The following ZFPM1 variants were observed in gnomAD, a reference collection of about 807,000 sequenced individuals.
ZFPM1 encodes zinc finger protein, FOG family member 1.
In ZFPM1, 28 loss-of-function variants were observed where a neutral mutation model predicts 46.3. The ratio of observed to expected loss-of-function variants is 0.60; its 90% confidence interval spans 0.45 to 0.83. ZFPM1 has a LOEUF of 0.83. Among genes scored for constraint, ZFPM1 ranks in the 40% least tolerant of loss-of-function variants. ZFPM1 has a pLI of 0.00. For missense variants in ZFPM1, 1,878 were observed against 1,432.4 expected (o/e 1.31, Z -5.02); for synonymous variants, 957 against 675.9 (o/e 1.42, Z -6.45).
chr16:88,529,590 C>T (rs1912621930), intron 6 of ZFPM1, among the ~76,000 whole-genome samples: 1 of 152,200 alleles, frequency 6.6e-6, no homozygotes, highest in South Asian at 2.1e-4. Flanking sequence ...GCTCAGAGAG[C>T]CCTGGGGCCT....
chr16:88,524,710 C>G (rs1417287833), intron 4 of ZFPM1, among the ~76,000 whole-genome samples: 1 of 152,218 alleles, frequency 6.6e-6, no homozygotes, highest in Admixed American at 6.5e-5. Flanking sequence ...CGGGAGGAAA[C>G]TGAGTCAAAG....
At chr16:88,482,410 T>C (rs1363518413) in intron 1 of ZFPM1, among the ~76,000 whole-genome samples, 2 of 152,156 alleles carry the variant, frequency 1.3e-5, no homozygotes, top group Non-Finnish European at 2.9e-5. Flanking sequence ...TCCTGCATTA[T>C]CAGAGCCGTT....
chr16:88,467,360 G>A (rs954339295), intron 1 of ZFPM1, among the ~76,000 whole-genome samples: 4 of 152,168 alleles, frequency 2.6e-5, no homozygotes, highest in Non-Finnish European at 4.4e-5. Flanking sequence ...GGCCGACACC[G>A]CTAAGCCTGC....
In ZFPM1 at chr16:88,534,595, G is replaced by A. The variant is rs1410687778; in HGVS notation, c.2637G>A (p.Leu879=). Residue 879 remains leucine, a synonymous_variant, in exon 10 of 10, where the codon CTG becomes CTA. Coordinates refer to ENST00000319555, the MANE Select transcript of ZFPM1 (RefSeq NM_153813.3). ...AGCATTTCCGCCTGGCGCACGGCCT[G>A]CTGCTCGGCGCGCCCCTGGCCGGCC... ...LLEHFRLAHG[L]LLGAPLAGPG... is the part of the protein sequence containing the mutation. 11 of 1,229,050 alleles carry A rather than the reference G, an allele frequency of 9.0e-6. No individual in the cohort carries two copies. In the East Asian group the frequency reaches 4.1e-4, roughly 46 times the overall value. The allele number at this position is 1,229,050 out of a possible 1,614,324, so 76.1% of individuals were successfully genotyped here. A position where few individuals can be genotyped will look rare whatever the true frequency, so the allele number is the denominator to read the frequency against.
intron 1 of ZFPM1, among the ~76,000 whole-genome samples, chr16:88,458,893 G>A (rs1010103866): frequency 7.2e-5 from 11 of 152,268 alleles, no homozygotes; most frequent in Middle Eastern, 3.4e-3. Context: ...GGTCATCTGC[G>A]CCCTGCCTGG....
At chr16:88,507,578 T>A (rs531840612) in intron 3 of ZFPM1, among the ~76,000 whole-genome samples, 111 of 152,280 alleles carry the variant, frequency 7.3e-4, no homozygotes, top group Non-Finnish European at 9.9e-4. Context: ...CAGAGGACGG[T>A]GCTCAGCCAC....
At chr16:88,470,553 G>A (rs983913632) in intron 1 of ZFPM1, among the ~76,000 whole-genome samples, 3 of 139,766 alleles carry the variant, frequency 2.1e-5, no homozygotes, top group Non-Finnish European at 3.1e-5. Flanking sequence ...GGGTGGTGAC[G>A]CTGAGTGACA....
chr16:88,455,031 C>T (rs886925832), intron 1 of ZFPM1, among the ~76,000 whole-genome samples: 1 of 152,182 alleles, frequency 6.6e-6, no homozygotes, highest in East Asian at 1.9e-4. Context: ...CGCCTTCTAT[C>T]GTGTCAACTC....
rs945209597 is a variant in ZFPM1, at chr16:88,532,815, TCCA to T, written c.1074_1076del (p.Thr359del). ...TGTCTGCCACAGCTGTGGCTTCATC[TCCA>T]CCACAAGGGACATCCTCTACAGCCA... is the stretch of plus-strand genomic sequence containing the variant. On this transcript the variant is annotated inframe_deletion, in exon 9 of 10. Transcript: ENST00000319555. 6 of 1,613,150 alleles carry T rather than the reference TCCA, an allele frequency of 3.7e-6. No homozygotes were observed. Among genetic ancestry groups the T allele is most frequent in the South Asian group, 2.2e-5 (2 of 91,080 alleles).
chr16:88,473,624 G>A lies in ZFPM1; in HGVS notation c.41-12315G>A, dbSNP rs75726185. Among the ~76,000 whole-genome samples, 175 of 152,250 alleles carry A rather than the reference G, an allele frequency of 1.1e-3. 1 individual carries two copies. Among genetic ancestry groups the A allele is most frequent in the African/African-American group, 3.6e-3 (151 of 41,554 alleles). On this transcript the variant is annotated intron_variant, in intron 1 of 9. Coordinates refer to ENST00000319555, the MANE Select transcript of ZFPM1 (RefSeq NM_153813.3). The stretch of plus-strand genomic sequence containing the variant: ...TCCACCCATCTGACGCAGGCTGCGC[G>A]GCGATGGCTCCGTGAGCCGCGGCCC...
At chr16:88,519,544 C>A (rs1360831729) in intron 4 of ZFPM1, among the ~76,000 whole-genome samples, 3 of 105,266 alleles carry the variant, frequency 2.8e-5, no homozygotes, top group Admixed American at 9.4e-5. Context: ...GGGTGGGTGG[C>A]TGAAAGGATG....
At chr16:88,512,077 C>G (rs980033306) in intron 3 of ZFPM1, among the ~76,000 whole-genome samples, 1 of 152,268 alleles carries the variant, frequency 6.6e-6, no homozygotes, top group African/African-American at 2.4e-5. Context: ...GTGTGATACC[C>G]ATACCCAGAA....
At position 88,497,255 on chromosome 16, in the gene ZFPM1, A is replaced by ACGGCCCCAGCCCCAGCCC. The variant is rs1388390077; in HGVS notation, c.268+8104_268+8121dup. 3.4e-5 allele frequency among the ~76,000 whole-genome samples: 5 copies of ACGGCCCCAGCCCCAGCCC among 147,002 alleles called. No individual in the cohort carries two copies. Among genetic ancestry groups the ACGGCCCCAGCCCCAGCCC allele is most frequent in the Non-Finnish European group, 6.1e-5 (4 of 65,952 alleles). ...GAGAGATGGGAGGGGCGGCAGGTGG[A>ACGGCCCCAGCCCCAGCCC]CGGCCCCAGCCCCAGCCCCAGCCCC... is the stretch of plus-strand genomic sequence containing the variant. On this transcript the variant is annotated intron_variant, in intron 3 of 9. Transcript: ENST00000319555. The surrounding 1 kb of genome is among the most constrained non-coding windows in gnomAD (Gnocchi z 5.4).
chr16:88,476,218 C>G (rs138183761), intron 1 of ZFPM1, among the ~76,000 whole-genome samples: 1 of 152,110 alleles, frequency 6.6e-6, no homozygotes, highest in Non-Finnish European at 1.5e-5. Context: ...GGGAACCAAC[C>G]AAGCCTCCAT....
intron 4 of ZFPM1, among the ~76,000 whole-genome samples, chr16:88,525,788 C>T (rs1369852053): frequency 6.6e-6 from 1 of 152,236 alleles, no homozygotes. Context: ...CTCGCCCTGT[C>T]CCAGCCCCCG....
At position 88,532,706 on chromosome 16, in the gene ZFPM1, A is replaced by T. The variant is rs200901030; in HGVS notation, c.1039A>T (p.Ser347Cys). 4.3e-6 allele frequency: 7 copies of T among 1,611,784 alleles called. No homozygotes were observed. In the Admixed American group the frequency reaches 1.2e-4, roughly 27 times the overall value. ...CCTCAAGGTGCACACGGACACGCTG[A>T]GCGGTAGGCACCGCAGGGGCCGGGG... The part of the protein sequence containing the change: ...RHLKVHTDTL[S>C]GVCHSCGFIS... Residue 347 changes from serine to cysteine, a missense_variant, in exon 8 of 10, where the codon AGC becomes TGC. Ser to Cys is a moderately radical substitution (Grantham distance 112, BLOSUM62 -1). Transcript: ENST00000319555.
At chr16:88,532,482 A>AGGG in intron 7 of ZFPM1, 132 bp from the exon 8 acceptor site, 1 of 945,428 alleles carries the variant, frequency 1.1e-6, no homozygotes, top group Non-Finnish European at 1.6e-6. Flanking sequence ...GAGGAGGAGG[A>AGGG]GGGGTTTAAA....
rs529470099 is a variant in ZFPM1, at chr16:88,486,132, A to G, written c.145+89A>G. On this transcript the variant is annotated intron_variant, in intron 2 of 9. Transcript: ENST00000319555. The stretch of plus-strand genomic sequence containing the variant: ...TGCCCTCAGAGCTCAGTGGTGTCTG[A>G]GAGGTGTGGGCCAACTATATGCAGG... The G allele has an allele frequency of 6.7e-5, 91 of 1,360,784 alleles. No individual in the cohort carries two copies. In the African/African-American group the frequency reaches 1.1e-3, roughly 17 times the overall value. The allele number at this position is 1,360,784 out of a possible 1,614,324, so 84.3% of individuals were successfully genotyped here.
intron 3 of ZFPM1, among the ~76,000 whole-genome samples, chr16:88,509,661 G>T (rs1910847545): frequency 6.6e-6 from 1 of 152,214 alleles, no homozygotes; most frequent in South Asian, 2.1e-4. Flanking sequence ...GGAGCAGGTG[G>T]AGAAACAGGC....
Sources: gnomAD v4.1 joint callset for allele counts (sites outside exome capture counted in the v4.1 genomes callset) on GRCh38, gnomAD v4.1.1 for gene constraint, Gnocchi (gnomAD v3.1) non-coding constraint, MANE v1.5 for transcripts, NCBI Gene and HGNC (gene_info 2026-07-23, HGNC 2026-07-21) for gene names.